Variants in ZNF124 observed in about 807,000 individuals in gnomAD.
ZNF124 encodes the protein zinc finger protein HZF-16.
ZNF124 carries 25 observed loss-of-function variants against 26.6 expected under a neutral mutation model. The ratio of observed to expected loss-of-function variants is 0.94; its 90% confidence interval spans 0.68 to 1.31. ZNF124 has a LOEUF of 1.31. ZNF124 is among the 40% of genes most tolerant of loss of function. The pLI is 0.00. For missense variants in ZNF124, 444 were observed against 422.2 expected (o/e 1.05, Z -0.45); for synonymous variants, 129 against 133.3 (o/e 0.97, Z 0.22).
At chr1:247,153,440 T>C (rs900525406), downstream of ZNF124, among the ~76,000 whole-genome samples, 2 of 152,230 alleles carry the variant, frequency 1.3e-5, no homozygotes, top group Non-Finnish European at 2.9e-5. Flanking sequence ...TGATCCTGTC[T>C]GGACTGAAGT....
chr1:247,135,352 GT>G (rs1440075154), intron 3 of ZNF124, among the ~76,000 whole-genome samples: 1 of 151,992 alleles, frequency 6.6e-6, no homozygotes, highest in Non-Finnish European at 1.5e-5. Flanking sequence ...GATAAAGGGA[GT>G]TATCACCACT....
chr1:247,161,429 A>G (rs985151557), intron 1 of ZNF124, among the ~76,000 whole-genome samples: 1 of 152,172 alleles, frequency 6.6e-6, no homozygotes, highest in African/African-American at 2.4e-5. Context: ...TTTGTCATAT[A>G]TTCAAAAGTA....
intron 2 of ZNF124, 112 bp downstream of exon 2, chr1:247,159,575 C>T: frequency 8.9e-7 from 1 of 1,117,484 alleles, no homozygotes; most frequent in South Asian, 1.4e-5. Flanking sequence ...GTCCATGCCT[C>T]ATTCACTCAT....
chr1:247,123,178 A>T (rs190227269), exon 4 of ZNF124: 2 of 152,282 alleles, frequency 1.3e-5, no homozygotes, highest in African/African-American at 4.8e-5. Flanking sequence ...TGTACATGAG[A>T]CACAATACAC....
At chr1:247,170,611 T>C (rs893071839) in intron 1 of ZNF124, among the ~76,000 whole-genome samples, 1 of 144,030 alleles carries the variant, frequency 6.9e-6, no homozygotes, top group Admixed American at 6.7e-5. Flanking sequence ...CCGGAAGCTT[T>C]GGCAAGACTC....
At chr1:247,151,798 C>T (rs1169624128), downstream of ZNF124, among the ~76,000 whole-genome samples, 1 of 150,852 alleles carries the variant, frequency 6.6e-6, no homozygotes, top group Non-Finnish European at 1.5e-5. Context: ...CTGATATTCA[C>T]ACAACAGAAT....
chr1:247,125,851 T>C (rs1270495694), intron 3 of ZNF124, among the ~76,000 whole-genome samples: 1 of 152,238 alleles, frequency 6.6e-6, no homozygotes, highest in African/African-American at 2.4e-5. Context: ...TGTGGCTGGA[T>C]CTCATATTAA....
intron 3 of ZNF124, among the ~76,000 whole-genome samples, chr1:247,128,114 T>TATTA (rs374482175): frequency 1.4e-3 from 203 of 147,980 alleles, no homozygotes; most frequent in African/African-American, 3.2e-3. Flanking sequence ...TTTACAACAT[T>TATTA]ATTATTTGTT....
In ZNF124 at chr1:247,156,338, T is replaced by C. The variant is rs1673127385; in HGVS notation, c.*228A>G. ...GCAGGCCTTACCACATTTTAAACAT[T>C]CATATGGATTTTCTTCAGTGAGTCC... On this transcript the variant is annotated 3_prime_UTR_variant, in exon 4 of 4. Coordinates refer to ENST00000543802, the MANE Select transcript of ZNF124 (RefSeq NM_001297568.2). 3 of 1,228,206 alleles carry C rather than the reference T, an allele frequency of 2.4e-6. No individual in the cohort carries two copies. Among genetic ancestry groups the C allele is most frequent in the South Asian group, 7.0e-5 (2 of 28,744 alleles). 76.1% of individuals were successfully genotyped at this position (1,228,206 alleles called of 1,614,324 possible). A position where few individuals can be genotyped will look rare whatever the true frequency, so the allele number is the denominator to read the frequency against.
At chr1:247,146,226 T>C (rs144712915) in intron 3 of ZNF124, among the ~76,000 whole-genome samples, 293 of 152,282 alleles carry the variant, frequency 1.9e-3, no homozygotes, top group Middle Eastern at 3.4e-3. Flanking sequence ...GGGGGCCCCA[T>C]AGAGCCAGAA....
intron 2 of ZNF124, 139 bp from the exon 3 acceptor site, chr1:247,159,205 G>A: frequency 1.4e-6 from 1 of 702,618 alleles, no homozygotes; most frequent in East Asian, 2.8e-5. Flanking sequence ...TGGCAACATT[G>A]TTTGTGTTAT....
At chr1:247,123,858 T>C in exon 4 of ZNF124, 2 of 702,292 alleles carry the variant, frequency 2.8e-6, no homozygotes, top group Non-Finnish European at 5.2e-6. Flanking sequence ...CTTGGAAAGT[T>C]ATATAAACCT....
rs71566695 is a variant in ZNF124 at position 247,125,430 on chromosome 1, C to CTTTTTTTTTTTTTTTT, written c.219-1575_219-1560dup. Among the ~76,000 whole-genome samples, 46 of 43,296 alleles carry CTTTTTTTTTTTTTTTT rather than the reference C, an allele frequency of 1.1e-3. 7 individuals carry two copies. The highest frequency in any genetic ancestry group is 1.7e-3 in the South Asian group (1 of 596). The allele number at this position is 43,296 out of a possible 152,430, so 28.4% of individuals were successfully genotyped here. On this transcript the variant is annotated intron_variant, in intron 3 of 3. Transcript: ENST00000472531. ...TATCTTCACCGACACCTGTTTTTGT[C>CTTTTTTTTTTTTTTTT]TTTTTTTTTTTTTTTTTTTTTTTTT...
intron 3 of ZNF124, among the ~76,000 whole-genome samples, chr1:247,145,054 G>T (rs1427335836): frequency 6.6e-6 from 1 of 152,174 alleles, no homozygotes; most frequent in Admixed American, 6.5e-5. Flanking sequence ...GATTACAGGC[G>T]TGGGCCACTG....
chr1:247,168,346 T>C lies in ZNF124; in HGVS notation c.30+3502A>G, dbSNP rs1297743311. ...GAGTTCGATACCAGCCTGGCCAACA[T>C]GGCAAAACCCTGTCTCTACTAAAAA... On this transcript the variant is annotated intron_variant, in intron 1 of 3. Transcript: ENST00000543802. The surrounding 1 kb of genome is among the most constrained non-coding windows in gnomAD (Gnocchi z 4.0). Among the ~76,000 whole-genome samples, 1 of 152,118 alleles carries C rather than the reference T, an allele frequency of 6.6e-6. No individual in the cohort carries two copies. The highest frequency in any genetic ancestry group is 1.5e-5 in the Non-Finnish European group (1 of 68,028).
intron 3 of ZNF124, among the ~76,000 whole-genome samples, chr1:247,146,391 A>C (rs893599035): frequency 2.6e-5 from 4 of 152,224 alleles, no homozygotes; most frequent in Non-Finnish European, 5.9e-5. Flanking sequence ...ATAAGAGTTC[A>C]AATTGACCCA....
At chr1:247,132,240 T>TCAACAACAA (rs3039533) in intron 3 of ZNF124, among the ~76,000 whole-genome samples, 11,895 of 151,744 alleles carry the variant, frequency 0.078, 773 homozygotes, top group African/African-American at 0.17. Flanking sequence ...GACAACAGTG[T>TCAACAACAA]CAACAACAAC....
chr1:247,146,297 C>T (rs1281493912), intron 3 of ZNF124, among the ~76,000 whole-genome samples: 1 of 152,230 alleles, frequency 6.6e-6, no homozygotes, highest in Non-Finnish European at 1.5e-5. Context: ...TTCCGATTTT[C>T]CCTTTAGAAC....
chr1:247,144,200 T>C (rs571794774), intron 3 of ZNF124, among the ~76,000 whole-genome samples: 2 of 152,308 alleles, frequency 1.3e-5, no homozygotes, highest in African/African-American at 4.8e-5. Flanking sequence ...ACTCTGCGGG[T>C]TTCGGGTAGC....
Sources: gnomAD v4.1 joint callset for allele counts (sites outside exome capture counted in the v4.1 genomes callset) on GRCh38, gnomAD v4.1.1 for gene constraint, Gnocchi (gnomAD v3.1) non-coding constraint, MANE v1.5 for transcripts, NCBI Gene and HGNC (gene_info 2026-07-23, HGNC 2026-07-21) for gene names.